Variants in MKLN1 observed in about 807,000 individuals in gnomAD.
MKLN1 encodes the protein muskelin 1.
MKLN1 carries 18 observed loss-of-function variants against 99.0 expected under a neutral mutation model. The ratio of observed to expected loss-of-function variants is 0.18; its 90% confidence interval spans 0.13 to 0.27. The LOEUF (loss-of-function observed/expected upper bound fraction) is 0.27. Among genes scored for constraint, MKLN1 ranks in the 10% least tolerant of loss-of-function variants. The pLI, the probability that MKLN1 is intolerant of heterozygous loss-of-function variation, is 1.00. For missense variants in MKLN1, 621 were observed against 875.9 expected (o/e 0.71, Z 3.67); for synonymous variants, 288 against 293.2 (o/e 0.98, Z 0.18).
At chr7:131,257,358 A>T (rs1312605352) in intron 3 of MKLN1, among the ~76,000 whole-genome samples, 1 of 152,238 alleles carries the variant, frequency 6.6e-6, no homozygotes, top group Non-Finnish European at 1.5e-5. Context: ...CACATTCCTA[A>T]ATAAACAATA....
intron 8 of MKLN1, among the ~76,000 whole-genome samples, chr7:131,421,396 C>T (rs766043951): frequency 6.6e-6 from 1 of 152,082 alleles, no homozygotes; most frequent in Non-Finnish European, 1.5e-5. Flanking sequence ...TTTGAAAGAA[C>T]CTTTCTAGTC....
intron 1 of MKLN1, among the ~76,000 whole-genome samples, chr7:131,119,277 G>C (rs1795325007): frequency 6.6e-6 from 1 of 152,214 alleles, no homozygotes; most frequent in Non-Finnish European, 1.5e-5. Context: ...AATCTCCTTT[G>C]ACTCCATGTC....
chr7:131,408,097 TATATG>T (rs1794762415), intron 6 of MKLN1, among the ~76,000 whole-genome samples: 1 of 152,162 alleles, frequency 6.6e-6, no homozygotes, highest in African/African-American at 2.4e-5. Flanking sequence ...TTCCGTCTAA[TATATG>T]AGAATGATTA....
chr7:131,461,508 A>G (rs1796514313), intron 12 of MKLN1, among the ~76,000 whole-genome samples: 1 of 152,066 alleles, frequency 6.6e-6, no homozygotes, highest in Non-Finnish European at 1.5e-5. Flanking sequence ...ATGCATTTGG[A>G]TAGTCTTTAA....
intron 3 of MKLN1, among the ~76,000 whole-genome samples, chr7:131,263,138 A>G (rs532612978): frequency 6.6e-6 from 1 of 152,206 alleles, no homozygotes; most frequent in East Asian, 1.9e-4. Context: ...TAGGCTGTAC[A>G]TAATGTCTGG....
chr7:131,133,797 T>G, intron 1 of MKLN1, among the ~76,000 whole-genome samples: 1 of 118,586 alleles, frequency 8.4e-6, no homozygotes, highest in Non-Finnish European at 1.9e-5. Context: ...CAGGTTGACT[T>G]CTTTTTTTTT....
At chr7:131,385,560 C>T (rs1019090014) in intron 2 of MKLN1, among the ~76,000 whole-genome samples, 2 of 152,018 alleles carry the variant, frequency 1.3e-5, no homozygotes, top group African/African-American at 4.8e-5. Context: ...TTATTATTGC[C>T]ATCTTAGTGG....
At chr7:131,113,207 G>A in intron 1 of MKLN1, among the ~76,000 whole-genome samples, 1 of 152,208 alleles carries the variant, frequency 6.6e-6, no homozygotes, top group East Asian at 1.9e-4. Context: ...ATCTTGAGAT[G>A]CGTTCTGAAG....
At chr7:131,381,791 C>T (rs1293980755) in intron 2 of MKLN1, among the ~76,000 whole-genome samples, 2 of 152,096 alleles carry the variant, frequency 1.3e-5, no homozygotes. Context: ...ATCTCCTTCT[C>T]TCTAGTAACC....
chr7:131,485,920 T>G lies in MKLN1; in HGVS notation c.2087-1687T>G, dbSNP rs138005530. Among the ~76,000 whole-genome samples the G allele has an allele frequency of 5.7e-3, 872 of 152,170 alleles. 9 individuals carry two copies. Among genetic ancestry groups the G allele is most frequent in the African/African-American group, 0.02 (820 of 41,556 alleles). ...TGTAAAAAAGTGACTGAAAAATAACTGGTATTATTGGGACATCAATGTTAA... is the reference window on the plus strand; with the variant it reads ...TGTAAAAAAGTGACTGAAAAATAACGGGTATTATTGGGACATCAATGTTAA... On this transcript the variant is annotated intron_variant, in intron 17 of 17. Coordinates refer to ENST00000352689, the MANE Select transcript of MKLN1 (RefSeq NM_013255.5).
At chr7:131,358,056 T>C (rs569742276) in intron 1 of MKLN1, among the ~76,000 whole-genome samples, 9 of 152,296 alleles carry the variant, frequency 5.9e-5, no homozygotes, top group Admixed American at 1.3e-4. Flanking sequence ...ACTGTTTTTT[T>C]CCCCCGCTTA....
At chr7:131,256,254 A>G (rs1429936486) in intron 3 of MKLN1, among the ~76,000 whole-genome samples, 1 of 152,180 alleles carries the variant, frequency 6.6e-6, no homozygotes, top group Non-Finnish European at 1.5e-5. Flanking sequence ...ACCACAGGTG[A>G]AAGAAAGGCA....
intron 1 of MKLN1, among the ~76,000 whole-genome samples, chr7:131,338,568 A>G (rs1052018491): frequency 5.9e-5 from 9 of 152,226 alleles, no homozygotes; most frequent in African/African-American, 1.9e-4. Context: ...CTAGTTTAAG[A>G]GGGAGTGTTG....
intron 1 of MKLN1, among the ~76,000 whole-genome samples, chr7:131,336,389 A>C (rs1205414116): frequency 6.6e-6 from 1 of 152,058 alleles, no homozygotes; most frequent in Admixed American, 6.5e-5. Flanking sequence ...CCTGTTTTTA[A>C]TTAAATCTGA....
At chr7:131,339,987 C>T (rs969208847) in intron 1 of MKLN1, among the ~76,000 whole-genome samples, 1 of 151,778 alleles carries the variant, frequency 6.6e-6, no homozygotes, top group Non-Finnish European at 1.5e-5. Flanking sequence ...GTCTTATATA[C>T]ATAGAAATGG....
At position 131,142,444 on chromosome 7, in the gene MKLN1, A is replaced by T. The variant is rs149137203; in HGVS notation, c.-418-376A>T. On this transcript the variant is annotated intron_variant, in intron 1 of 7. Coordinates refer to the MKLN1 transcript ENST00000416992. ...AAAATTAAAATGATAATAATAATTT[A>T]AAAAAATTAGGCCGGTCGCGGTGGC... is the stretch of plus-strand genomic sequence containing the variant. 1.3e-3 allele frequency among the ~76,000 whole-genome samples: 199 copies of T among 151,094 alleles called. 2 individuals are homozygous for T. The highest frequency in any genetic ancestry group is 2.8e-3 in the Admixed American group (42 of 15,134).
intron 3 of MKLN1, among the ~76,000 whole-genome samples, chr7:131,322,587 G>A (rs1374196558): frequency 1.5e-5 from 2 of 132,758 alleles, no homozygotes; most frequent in African/African-American, 2.8e-5. Flanking sequence ...TTTTTGAGAC[G>A]GAGTCTCGCT....
intron 2 of MKLN1, among the ~76,000 whole-genome samples, chr7:131,184,770 G>A (rs1584816078): frequency 6.6e-6 from 1 of 152,108 alleles, no homozygotes; most frequent in African/African-American, 2.4e-5. Flanking sequence ...CAGGTGATCT[G>A]CCCGCCTTGG....
chr7:131,483,924 T>TA (rs1252536183), intron 17 of MKLN1, among the ~76,000 whole-genome samples: 1 of 152,218 alleles, frequency 6.6e-6, no homozygotes, highest in African/African-American at 2.4e-5. Context: ...AATTCACAAA[T>TA]ATGGAATCTG....
Sources: allele counts gnomAD v4.1 joint callset (sites outside exome capture counted in the v4.1 genomes callset), GRCh38; gene constraint gnomAD v4.1.1; transcripts MANE v1.5; gene names NCBI Gene and HGNC (gene_info 2026-07-23, HGNC 2026-07-21).